Variants in PARN observed in about 807,000 individuals in gnomAD.
PARN encodes poly(A)-specific ribonuclease PARN.
Under a neutral mutation model 102.8 loss-of-function variants are expected in PARN, and 71 were observed. That is an observed-to-expected ratio of 0.69 (90% CI 0.57 to 0.84). The LOEUF (loss-of-function observed/expected upper bound fraction) is 0.84. Among genes scored for constraint, PARN ranks in the 40% least tolerant of loss-of-function variants. The pLI is 0.00. For synonymous variants in PARN, 261 were observed against 252.9 expected (o/e 1.03, Z -0.30); for missense variants, 782 against 760.9 (o/e 1.03, Z -0.33).
At chr16:14,556,358 C>T (rs1217902759) in intron 18 of PARN, among the ~76,000 whole-genome samples, 2 of 151,608 alleles carry the variant, frequency 1.3e-5, no homozygotes, top group Admixed American at 6.6e-5. Flanking sequence ...TGGGGTTTCC[C>T]GATGTTGACC....
At chr16:14,437,246 G>C (rs1225134366) in intron 23 of PARN, among the ~76,000 whole-genome samples, 1 of 152,142 alleles carries the variant, frequency 6.6e-6, no homozygotes, top group Non-Finnish European at 1.5e-5. Flanking sequence ...GCTGAGATGG[G>C]GTCTGAATCC....
intron 21 of PARN, among the ~76,000 whole-genome samples, chr16:14,544,134 G>A (rs568691427): frequency 6.6e-6 from 1 of 152,286 alleles, no homozygotes; most frequent in African/African-American, 2.4e-5. Flanking sequence ...GGAGGTTGCG[G>A]TGAGCCAAGA....
chr16:14,499,183 C>T (rs911835646), intron 21 of PARN, among the ~76,000 whole-genome samples: 2 of 152,174 alleles, frequency 1.3e-5, no homozygotes, highest in South Asian at 2.1e-4. Flanking sequence ...GGGGCTGTTG[C>T]TGCTGACACC....
At position 14,606,542 on chromosome 16, in the gene PARN, ACAT is replaced by A. The variant is rs1971196575; in HGVS notation, c.660-19_660-17del. On this transcript the variant is annotated splice_polypyrimidine_tract_variant and intron_variant, in intron 9 of 23. Transcript: ENST00000437198. ...TTTCGGATACCTAAAGAAAAGAAAAACATAGTATCAGTAGATGAGTCAATGACA... is the reference window on the plus strand; with the variant it reads ...TTTCGGATACCTAAAGAAAAGAAAAAAGTATCAGTAGATGAGTCAATGACA... 2 of 1,492,620 alleles carry A rather than the reference ACAT, an allele frequency of 1.3e-6. No homozygotes were observed. The highest frequency in any genetic ancestry group is 1.8e-6 in the Non-Finnish European group (2 of 1,083,812). The allele number at this position is 1,492,620 out of a possible 1,614,324, so 92.5% of individuals were successfully genotyped here. A position where few individuals can be genotyped will look rare whatever the true frequency, so the allele number is the denominator to read the frequency against.
Position 14,552,111 on chromosome 16 carries a change from AAAAGT to A in PARN, c.1406-21_1406-17del. The A allele has an allele frequency of 6.5e-7, 1 of 1,549,388 alleles. No homozygotes were observed. The highest frequency in any genetic ancestry group is 8.9e-7 in the Non-Finnish European group (1 of 1,122,498). On this transcript the variant is annotated splice_polypyrimidine_tract_variant and intron_variant, in intron 20 of 23. Coordinates refer to ENST00000437198, the MANE Select transcript of PARN (RefSeq NM_002582.4). ...TGAATGTTACCTGCAATCGCAAATT[AAAAGT>A]AAAGTGAACATTTGACCATGTGGAG...
intron 18 of PARN, among the ~76,000 whole-genome samples, chr16:14,568,176 C>T (rs903827002): frequency 5.3e-5 from 8 of 151,854 alleles, no homozygotes; most frequent in Non-Finnish European, 1.0e-4. Context: ...AGGGCGCGAC[C>T]TCATCTCTAT....
At chr16:14,602,796 A>T (rs1408099193) in intron 11 of PARN, among the ~76,000 whole-genome samples, 2 of 152,100 alleles carry the variant, frequency 1.3e-5, no homozygotes, top group East Asian at 3.9e-4. Flanking sequence ...GGTTCTGAGG[A>T]GGTGTGGGGC....
chr16:14,540,458 A>C (rs373932951), intron 21 of PARN, among the ~76,000 whole-genome samples: 1 of 152,212 alleles, frequency 6.6e-6, no homozygotes, highest in East Asian at 1.9e-4. Flanking sequence ...TATCAAATAT[A>C]TATCAATATA....
At chr16:14,557,202 C>G (rs1305546068) in intron 18 of PARN, among the ~76,000 whole-genome samples, 1 of 152,050 alleles carries the variant, frequency 6.6e-6, no homozygotes, top group African/African-American at 2.4e-5. Context: ...AATCTATCTG[C>G]CCAAGAAGCA....
intron 18 of PARN, among the ~76,000 whole-genome samples, chr16:14,566,786 G>C (rs1968462178): frequency 6.6e-6 from 1 of 152,202 alleles, no homozygotes. Flanking sequence ...GACTAGAACA[G>C]CTCAGCACGT....
chr16:14,440,739 T>TA (rs1374812539), intron 23 of PARN, among the ~76,000 whole-genome samples: 1 of 152,206 alleles, frequency 6.6e-6, no homozygotes, highest in Non-Finnish European at 1.5e-5. Context: ...TGAAAGAAGT[T>TA]AAATGAAAGG....
intron 22 of PARN, among the ~76,000 whole-genome samples, chr16:14,467,411 G>A (rs546008435): frequency 2.6e-5 from 4 of 152,256 alleles, no homozygotes; most frequent in South Asian, 2.1e-4. Flanking sequence ...AGACTCTTCC[G>A]GGGTTAATTT....
intron 21 of PARN, among the ~76,000 whole-genome samples, chr16:14,540,821 T>C (rs758624705): frequency 2.0e-5 from 3 of 151,758 alleles, no homozygotes; most frequent in Non-Finnish European, 4.4e-5. Flanking sequence ...CATGGTGGTG[T>C]ACATCTGTAG....
At chr16:14,478,699 T>C (rs571948748) in intron 22 of PARN, among the ~76,000 whole-genome samples, 11 of 152,346 alleles carry the variant, frequency 7.2e-5, no homozygotes, top group African/African-American at 2.4e-4. Flanking sequence ...GAAAACCTTA[T>C]GGAATATTTT....
chr16:14,563,213 C>T (rs1968184655), intron 18 of PARN, among the ~76,000 whole-genome samples: 1 of 152,154 alleles, frequency 6.6e-6, no homozygotes, highest in African/African-American at 2.4e-5. Context: ...CTTAGTTTTG[C>T]TCCTGAGGCA....
intron 13 of PARN, 101 bp from the exon 14 acceptor site, chr16:14,586,462 G>T: frequency 1.4e-6 from 1 of 702,156 alleles, no homozygotes; most frequent in Non-Finnish European, 2.5e-6. Flanking sequence ...TCTCAAACAA[G>T]CTGTTGGGGC....
chr16:14,506,897 A>G (rs1019301568), intron 21 of PARN, among the ~76,000 whole-genome samples: 43 of 152,352 alleles, frequency 2.8e-4, no homozygotes, highest in Middle Eastern at 6.8e-3. Flanking sequence ...CTCCAAAAAC[A>G]AACAAAAAAG....
At chr16:14,557,390 C>T (rs538700790) in intron 18 of PARN, among the ~76,000 whole-genome samples, 3 of 151,904 alleles carry the variant, frequency 2.0e-5, no homozygotes, top group Admixed American at 2.0e-4. Context: ...AATCCCGTCT[C>T]TACTAAAAAT....
At chr16:14,528,625 G>A (rs1418408556) in intron 21 of PARN, among the ~76,000 whole-genome samples, 1 of 152,152 alleles carries the variant, frequency 6.6e-6, no homozygotes, top group East Asian at 1.9e-4. Context: ...TGATGTGGGG[G>A]GGAAAGTGGA....
Sources: gnomAD v4.1 joint callset for allele counts (sites outside exome capture counted in the v4.1 genomes callset) on GRCh38, gnomAD v4.1.1 for gene constraint, MANE v1.5 for transcripts, NCBI Gene and HGNC (gene_info 2026-07-23, HGNC 2026-07-21) for gene names.